The following ARHGEF17 variants were observed in gnomAD, a reference collection of about 807,000 sequenced individuals.
The protein encoded by ARHGEF17 is Rho guanine nucleotide exchange factor 17, also known as 164 kDa Rho-specific guanine-nucleotide exchange factor.
A neutral mutation model predicts 174.0 loss-of-function variants in ARHGEF17; 80 were observed. That is an observed-to-expected ratio of 0.46 (90% CI 0.38 to 0.55). ARHGEF17 has a LOEUF of 0.55. ARHGEF17 is among the 20% of genes least tolerant of loss of function. The pLI, the probability that ARHGEF17 is intolerant of heterozygous loss-of-function variation, is 0.00. For missense variants in ARHGEF17, 2,886 were observed against 2,839.7 expected (o/e 1.02, Z -0.37); for synonymous variants, 1,311 against 1,189.1 (o/e 1.10, Z -2.11).
rs112430027 is a variant in ARHGEF17, at chr11:73,311,233, C to A, written c.2595C>A (p.Ile865=). The part of the protein sequence containing the change: ...PMLPPSSSEP[I]LVEQRAEPEE... ...TGCCTCCATCCAGCAGCGAGCCCAT[C>A]CTTGTAGAGCAGCGGGCAGAGCCAG... The change falls in exon 1 of 21, where the codon ATC becomes ATA. Residue 865 remains isoleucine, a synonymous_variant. Coordinates refer to ENST00000263674, the MANE Select transcript of ARHGEF17 (RefSeq NM_014786.4). 5.5e-4 allele frequency: 883 copies of A among 1,609,550 alleles called. 8 individuals carry two copies. In the African/African-American group the frequency reaches 0.01, roughly 19 times the overall value.
chr11:73,356,817 T>A, intron 7 of ARHGEF17, 58 bp downstream of exon 7: 1 of 1,610,224 alleles, frequency 6.2e-7, no homozygotes, highest in Non-Finnish European at 8.5e-7. Flanking sequence ...TGTCCTCTCT[T>A]CTGCTCACAC....
chr11:73,336,060 C>T (rs944533455), intron 1 of ARHGEF17, among the ~76,000 whole-genome samples: 1 of 152,220 alleles, frequency 6.6e-6, no homozygotes, highest in Non-Finnish European at 1.5e-5. Context: ...AATACAGCCT[C>T]CTACCTTCTC....
At chr11:73,330,274 T>G (rs1001572851) in intron 1 of ARHGEF17, among the ~76,000 whole-genome samples, 3 of 152,252 alleles carry the variant, frequency 2.0e-5, no homozygotes, top group Non-Finnish European at 4.4e-5. Context: ...TGTTATGTGT[T>G]CTACTTTATC....
At chr11:73,336,406 AG>A (rs1865287258) in intron 1 of ARHGEF17, among the ~76,000 whole-genome samples, 1 of 152,188 alleles carries the variant, frequency 6.6e-6, no homozygotes, top group South Asian at 2.1e-4. Context: ...GAGGTCTAGG[AG>A]GGGGCTGGGA....
At chr11:73,343,310 GGGCCAT>G (rs1211735898) in intron 1 of ARHGEF17, 1 of 397,222 alleles carries the variant, frequency 2.5e-6, no homozygotes, top group Non-Finnish European at 4.4e-6. Context: ...CCAGGGACCT[GGGCCAT>G]GGCCTAGAAC....
At chr11:73,315,414 A>T (rs963099227) in intron 1 of ARHGEF17, among the ~76,000 whole-genome samples, 32 of 152,160 alleles carry the variant, frequency 2.1e-4, no homozygotes. Context: ...CTCCCTACCC[A>T]GCCAGCTCCC....
At chr11:73,357,809 G>A (rs570330826) in intron 9 of ARHGEF17, among the ~76,000 whole-genome samples, 17 of 152,304 alleles carry the variant, frequency 1.1e-4, no homozygotes, top group African/African-American at 2.4e-4. Context: ...CTCCTGCGGC[G>A]TCTGTCTTTC....
chr11:73,309,590 A>G lies in ARHGEF17; in HGVS notation c.952A>G (p.Met318Val). ...PDSDGLNLSS[M>V]NSAGVSGSPE... ...CAGTGATGGGTTAAATCTAAGCAGC[A>G]TGAACTCAGCAGGGGTTTCTGGGAG... Residue 318 changes from methionine (M) to valine (V), a missense_variant, in exon 1 of 21, where the codon ATG becomes GTG. Physicochemically the swap from Met to Val is conservative, Grantham distance 21. Around this residue, in one of 4 missense-constraint regions of ARHGEF17, gnomAD observed 1,728 missense variants for 1,461.2 expected, o/e 1.18. Coordinates refer to ENST00000263674, the MANE Select transcript of ARHGEF17 (RefSeq NM_014786.4). 6.2e-7 allele frequency: 1 copy of G among 1,612,814 alleles called. No individual in the cohort carries two copies. Among genetic ancestry groups the G allele is most frequent in the East Asian group, 2.2e-5 (1 of 44,864 alleles).
intron 1 of ARHGEF17, among the ~76,000 whole-genome samples, chr11:73,340,538 C>T (rs1450660168): frequency 2.0e-5 from 3 of 152,164 alleles, no homozygotes; most frequent in Non-Finnish European, 4.4e-5. Flanking sequence ...CTGATCTCTG[C>T]AGGGCCCCAT....
intron 3 of ARHGEF17, chr11:73,353,215 GGCCAGACTCTGGCACGGACTCCGACCCCA>G (rs1865585327): frequency 4.5e-6 from 3 of 670,118 alleles, no homozygotes; most frequent in Middle Eastern, 4.2e-4. Flanking sequence ...CCCAAAGCTT[GGCCAGACTCTGGCACGGACTCCGACCCCA>G]GCCAGACACT....
chr11:73,343,610 G>C (rs1165487460), intron 1 of ARHGEF17, among the ~76,000 whole-genome samples: 1 of 152,188 alleles, frequency 6.6e-6, no homozygotes, highest in East Asian at 1.9e-4. Context: ...CCTGGTGTAT[G>C]TGTGTGCTGG....
At chr11:73,360,061 C>T (rs1263409835) in intron 10 of ARHGEF17, 109 bp downstream of exon 10, 18 of 1,192,282 alleles carry the variant, frequency 1.5e-5, no homozygotes, top group Non-Finnish European at 2.1e-5. Flanking sequence ...CATCCCTTTC[C>T]CTCATCTGAA....
chr11:73,364,721 GACC>G (rs2134423939), intron 18 of ARHGEF17, 121 bp downstream of exon 18: 1 of 1,323,818 alleles, frequency 7.6e-7, no homozygotes, highest in South Asian at 1.6e-5. Flanking sequence ...GCCTTCCTCT[GACC>G]ACAGAGTGAC....
intron 9 of ARHGEF17, among the ~76,000 whole-genome samples, chr11:73,357,805 C>T (rs1865670722): frequency 6.6e-6 from 1 of 152,328 alleles, no homozygotes; most frequent in African/African-American, 2.4e-5. Flanking sequence ...GCTCCTCCTG[C>T]GGCGTCTGTC....
At chr11:73,321,004 C>T (rs1354908786) in intron 1 of ARHGEF17, among the ~76,000 whole-genome samples, 1 of 152,180 alleles carries the variant, frequency 6.6e-6, no homozygotes, top group African/African-American at 2.4e-5. Flanking sequence ...GGGCTTGGCA[C>T]ACAGTAAGTG....
At chr11:73,322,212 C>G (rs1865027836) in intron 1 of ARHGEF17, among the ~76,000 whole-genome samples, 2 of 152,222 alleles carry the variant, frequency 1.3e-5, no homozygotes, top group African/African-American at 4.8e-5. Context: ...ACTGAGGTCT[C>G]ACTCTGGGTT....
At chr11:73,363,626 C>T in intron 15 of ARHGEF17, 121 bp from the exon 16 acceptor site, 2 of 1,501,158 alleles carry the variant, frequency 1.3e-6, no homozygotes, top group East Asian at 2.3e-5. Flanking sequence ...TGTGGGACCT[C>T]AGTACCTTGG....
chr11:73,309,801 G>T lies in ARHGEF17; in HGVS notation c.1163G>T (p.Arg388Leu), dbSNP rs3741151. Residue 388 changes from arginine (R) to leucine (L), a missense_variant, in exon 1 of 21, where the codon CGC becomes CTC. Coordinates refer to ENST00000263674, the MANE Select transcript of ARHGEF17 (RefSeq NM_014786.4). ...TACCTGGCCAGCCCCGCAGGCTCCCGCGGTAGCAGCCGTTATTCCAGCACG... is the reference window on the plus strand; with the variant it reads ...TACCTGGCCAGCCCCGCAGGCTCCCTCGGTAGCAGCCGTTATTCCAGCACG... Reference protein sequence around the residue: ...PSYLASPAGSRGSSRYSSTET... With the variant: ...PSYLASPAGSLGSSRYSSTET... 0.094 allele frequency: 151,012 copies of T among 1,612,880 alleles called. 8,080 individuals carry two copies. Among genetic ancestry groups the T allele is most frequent in the Non-Finnish European group, 0.1 (123,314 of 1,179,952 alleles).
At position 73,311,722 on chromosome 11, in the gene ARHGEF17, C is replaced by T. The variant is rs1864840556; in HGVS notation, c.3084C>T (p.Pro1028=). ...CTGCCCCAGTGCCAGTGGACATGCC[C>T]TGCTTGCCTCTGGCTGCACCGCCCT... ...EVPAPVPVDM[P]CLPLAAPPSA... is the part of the protein sequence containing the mutation. The change falls in exon 1 of 21, where the codon CCC becomes CCT. Residue 1028 remains proline, a synonymous_variant. Transcript: ENST00000263674. The T allele has an allele frequency of 1.2e-6, 2 of 1,613,300 alleles. No homozygotes were observed. Among genetic ancestry groups the T allele is most frequent in the Non-Finnish European group, 1.7e-6 (2 of 1,180,036 alleles).
Sources: gnomAD v4.1 joint callset for allele counts (sites outside exome capture counted in the v4.1 genomes callset) on GRCh38, gnomAD v4.1.1 for gene constraint, gnomAD v4.1.1 regional missense constraint, MANE v1.5 for transcripts, NCBI Gene and HGNC (gene_info 2026-07-23, HGNC 2026-07-21) for gene names.